KIAA0232: variants seen among roughly 807,000 people sequenced by gnomAD.
KIAA0232 encodes KIAA0232.
KIAA0232 carries 27 observed loss-of-function variants against 122.0 expected under a neutral mutation model. The observed-to-expected ratio is 0.22, with a 90% CI of 0.16 to 0.31. The LOEUF is 0.31. Ranked by LOEUF, KIAA0232 falls within the 10% of genes least tolerant of loss-of-function variation. The pLI is 1.00. For synonymous variants in KIAA0232, 613 were observed against 587.6 expected (o/e 1.04, Z -0.63); for missense variants, 1,551 against 1,634.2 (o/e 0.95, Z 0.88).
At chr4:6,859,893 G>T (rs1465652399) in intron 6 of KIAA0232, among the ~76,000 whole-genome samples, 1 of 152,140 alleles carries the variant, frequency 6.6e-6, no homozygotes, top group Non-Finnish European at 1.5e-5. Flanking sequence ...CAAGCCCCCT[G>T]AAACCAGCCT....
chr4:6,838,861 G>T (rs1366618304), intron 3 of KIAA0232, among the ~76,000 whole-genome samples: 1 of 151,968 alleles, frequency 6.6e-6, no homozygotes, highest in Non-Finnish European at 1.5e-5. Flanking sequence ...AGGTGAGGTG[G>T]CTCACGCCTG....
intron 1 of KIAA0232, among the ~76,000 whole-genome samples, chr4:6,789,524 G>A (rs1351912493): frequency 1.3e-5 from 2 of 151,830 alleles, no homozygotes; most frequent in South Asian, 2.1e-4. Flanking sequence ...TTCCTGCCTC[G>A]GCCTCCCAAA....
chr4:6,795,981 C>T (rs1429568914), intron 1 of KIAA0232, among the ~76,000 whole-genome samples: 1 of 152,138 alleles, frequency 6.6e-6, no homozygotes, highest in African/African-American at 2.4e-5. Context: ...AGTCCAAGGG[C>T]AGAGCCTGGA....
intron 4 of KIAA0232, among the ~76,000 whole-genome samples, chr4:6,845,463 A>G (rs954499147): frequency 1.3e-5 from 2 of 152,104 alleles, no homozygotes; most frequent in Non-Finnish European, 2.9e-5. Context: ...CTCAAACTGC[A>G]CGGTACAGGC....
chr4:6,846,443 T>C (rs759122495), intron 4 of KIAA0232, among the ~76,000 whole-genome samples: 8 of 152,140 alleles, frequency 5.3e-5, no homozygotes, highest in Non-Finnish European at 1.2e-4. Context: ...TAGATTCTCA[T>C]AGGAGCACAA....
intron 2 of KIAA0232, among the ~76,000 whole-genome samples, chr4:6,815,993 G>C (rs1384455372): frequency 6.6e-6 from 1 of 152,128 alleles, no homozygotes; most frequent in Non-Finnish European, 1.5e-5. Context: ...TGGTTGGCTT[G>C]AGATCACATT....
chr4:6,798,651 G>C (rs764527354), intron 1 of KIAA0232, among the ~76,000 whole-genome samples: 1 of 152,162 alleles, frequency 6.6e-6, no homozygotes, highest in South Asian at 2.1e-4. Flanking sequence ...TCCAGGGCTC[G>C]AACGAGCCTC....
chr4:6,871,754 T>C, intron 8 of KIAA0232, 72 bp downstream of exon 8: 1 of 943,160 alleles, frequency 1.1e-6, no homozygotes. Flanking sequence ...TTTCTTTTTC[T>C]ATGAATATCA....
At chr4:6,830,336 G>A (rs771559911) in intron 3 of KIAA0232, among the ~76,000 whole-genome samples, 1 of 151,468 alleles carries the variant, frequency 6.6e-6, no homozygotes, top group Non-Finnish European at 1.5e-5. Flanking sequence ...GCTGACCCCA[G>A]TGGCAACTTG....
chr4:6,847,903 C>T (rs1332995277), intron 4 of KIAA0232, among the ~76,000 whole-genome samples: 1 of 151,588 alleles, frequency 6.6e-6, no homozygotes, highest in Non-Finnish European at 1.5e-5. Flanking sequence ...TTTTATTGAG[C>T]CACTTAAAAC....
chr4:6,824,372 A>G lies in KIAA0232; in HGVS notation c.-82A>G, dbSNP rs1400467109. The G allele has an allele frequency of 8.9e-7, 1 of 1,129,512 alleles. No individual in the cohort carries two copies. Among genetic ancestry groups the G allele is most frequent in the Non-Finnish European group, 1.3e-6 (1 of 740,872 alleles). The allele number at this position is 1,129,512 out of a possible 1,614,324, so 70.0% of individuals were successfully genotyped here. A position where few individuals can be genotyped will look rare whatever the true frequency, so the allele number is the denominator to read the frequency against. On this transcript the variant is annotated 5_prime_UTR_variant, in exon 3 of 10. Transcript: ENST00000307659. ...GTCAAGCATCTCTACTTTTTACTGG[A>G]GTGAAAATCCCCTCCAGATACCAAC...
At chr4:6,826,162 G>A (rs899331260) in intron 3 of KIAA0232, among the ~76,000 whole-genome samples, 4 of 152,216 alleles carry the variant, frequency 2.6e-5, no homozygotes, top group Non-Finnish European at 5.9e-5. Context: ...TGTTTGATGA[G>A]AGGGGTTTCT....
chr4:6,863,530 C>A lies in KIAA0232; in HGVS notation c.3148C>A (p.Gln1050Lys). ...SSFDLSNPFS[Q>K]VLHVECSFEP... is the part of the protein sequence containing the mutation. ...CTTTGACTTAAGCAATCCATTTTCA[C>A]AAGTTCTTCATGTAGAATGCTCATT... Residue 1050 changes from glutamine (Q) to lysine (K), a missense_variant, in exon 7 of 10, where the codon CAA becomes AAA. Gln to Lys is a moderately conservative substitution (Grantham distance 53). Transcript: ENST00000307659. 1.9e-6 allele frequency: 3 copies of A among 1,614,186 alleles called. No homozygotes were observed. Among genetic ancestry groups the A allele is most frequent in the Non-Finnish European group, 2.5e-6 (3 of 1,180,028 alleles).
chr4:6,865,767 A>G (rs1001526803), intron 7 of KIAA0232, among the ~76,000 whole-genome samples: 6 of 152,160 alleles, frequency 3.9e-5, no homozygotes, highest in African/African-American at 1.4e-4. Context: ...CACCTCCTTC[A>G]CTGACACTTT....
intron 3 of KIAA0232, among the ~76,000 whole-genome samples, chr4:6,835,415 A>G (rs1719207628): frequency 6.6e-6 from 1 of 152,196 alleles, no homozygotes; most frequent in South Asian, 2.1e-4. Flanking sequence ...CACCAAGTAC[A>G]AAGCTACGAT....
intron 2 of KIAA0232, among the ~76,000 whole-genome samples, chr4:6,807,383 G>A (rs952601892): frequency 2.0e-5 from 3 of 152,080 alleles, no homozygotes; most frequent in African/African-American, 4.8e-5. Context: ...ATATACTTAC[G>A]TGTTTATTTC....
chr4:6,858,606 T>TA lies in KIAA0232; in HGVS notation c.518+100_518+101insA, dbSNP rs1333337201. 6 of 701,076 alleles carry TA rather than the reference T, an allele frequency of 8.6e-6. No homozygotes were observed. The African/African-American group carries it at 9.3e-5, about 11-fold the overall frequency. The allele number at this position is 701,076 out of a possible 1,614,324, so 43.4% of individuals were successfully genotyped here. ...TTTCTGTTTGTCATCTTGTTTAGTTTCATTATATATAATGTAAGAAACATT... is the reference window on the plus strand; with the variant it reads ...TTTCTGTTTGTCATCTTGTTTAGTTTACATTATATATAATGTAAGAAACATT... On this transcript the variant is annotated intron_variant, in intron 6 of 9. Coordinates refer to ENST00000307659, the MANE Select transcript of KIAA0232 (RefSeq NM_014743.3).
At chr4:6,852,897 C>T (rs912623733) in intron 4 of KIAA0232, among the ~76,000 whole-genome samples, 1 of 152,216 alleles carries the variant, frequency 6.6e-6, no homozygotes, top group Non-Finnish European at 1.5e-5. Context: ...CTGTCACACT[C>T]GGCAACATCT....
In KIAA0232 at chr4:6,842,145, A is replaced by G. The variant is rs1467941576; in HGVS notation, c.310A>G (p.Thr104Ala). ...GAGTAAGAAAAAATGTTCAGATCTA[A>G]CTCTAGAAGAAATGAAAAAACAGGC... ...GKSKKKCSDLTLEEMKKQAAV... is the reference protein window; with the variant it reads ...GKSKKKCSDLALEEMKKQAAV... Residue 104 changes from threonine to alanine, a missense_variant, in exon 4 of 10, where the codon ACT (threonine) becomes GCT (alanine). Thr to Ala is a moderately conservative substitution (Grantham distance 58). Transcript: ENST00000307659. The G allele has an allele frequency of 1.2e-6, 2 of 1,611,698 alleles. No individual in the cohort carries two copies. The highest frequency in any genetic ancestry group is 1.3e-5 in the African/African-American group (1 of 74,650).
Sources: allele counts gnomAD v4.1 joint callset (sites outside exome capture counted in the v4.1 genomes callset), GRCh38; gene constraint gnomAD v4.1.1; transcripts MANE v1.5; gene names NCBI Gene and HGNC (gene_info 2026-07-23, HGNC 2026-07-21).